The following ARB2A variants were observed in gnomAD, a reference collection of about 807,000 sequenced individuals.
The protein encoded by ARB2A is cotranscriptional regulator ARB2A.
chr5:93,963,608 G>T, the ARB2A span, among the ~76,000 whole-genome samples: 2 of 151,982 alleles, frequency 1.3e-5, no homozygotes, highest in East Asian at 1.9e-4. Flanking sequence ...TAATAAAATA[G>T]CACTATCCAA....
chr5:93,641,330 A>G, the ARB2A span, among the ~76,000 whole-genome samples: 95 of 152,318 alleles, frequency 6.2e-4, no homozygotes, highest in African/African-American at 2.2e-3. Context: ...AAGAATCTCA[A>G]ATATATCCCT....
At chr5:93,673,299 C>T in the ARB2A span, among the ~76,000 whole-genome samples, 1 of 152,008 alleles carries the variant, frequency 6.6e-6, no homozygotes, top group African/African-American at 2.4e-5. Context: ...TCTTTGTGTT[C>T]AGCATAAAAT....
At chr5:93,917,925 C>T in the ARB2A span, among the ~76,000 whole-genome samples, 1 of 152,090 alleles carries the variant, frequency 6.6e-6, no homozygotes, top group Non-Finnish European at 1.5e-5. Flanking sequence ...AATGTATTTC[C>T]TTGTCCCATT....
the ARB2A span, among the ~76,000 whole-genome samples, chr5:93,638,476 G>A: frequency 2.6e-3 from 391 of 152,196 alleles, no homozygotes; most frequent in Non-Finnish European, 4.4e-3. Context: ...ATTTGTTGGT[G>A]CTACTATAAA....
chr5:94,104,219 G>A, the ARB2A span, among the ~76,000 whole-genome samples: 2,682 of 151,508 alleles, frequency 0.018, 29 homozygotes, highest in Middle Eastern at 0.058. Context: ...CCAAAACGTC[G>A]TTCTCTGAAA....
At chr5:93,759,109 A>G in the ARB2A span, among the ~76,000 whole-genome samples, 4 of 152,168 alleles carry the variant, frequency 2.6e-5, no homozygotes, top group Admixed American at 1.3e-4. Flanking sequence ...ATTCAAGGCT[A>G]CTATGAACAC....
chr5:93,861,576 G>T, the ARB2A span: 1 of 151,978 alleles, frequency 6.6e-6, no homozygotes, highest in South Asian at 2.1e-4. Context: ...TTGATGAAAT[G>T]TTTAAGAATT....
At chr5:93,992,857 G>C in the ARB2A span, among the ~76,000 whole-genome samples, 1 of 151,938 alleles carries the variant, frequency 6.6e-6, no homozygotes, top group Non-Finnish European at 1.5e-5. Flanking sequence ...TTTTCTCAAA[G>C]TGTGAGTTAA....
chr5:93,972,638 GA>G, the ARB2A span, among the ~76,000 whole-genome samples: 1 of 152,266 alleles, frequency 6.6e-6, no homozygotes. Context: ...AGATAATTCA[GA>G]ATATGGGTGG....
the ARB2A span, among the ~76,000 whole-genome samples, chr5:93,679,835 G>A: frequency 6.6e-6 from 1 of 152,090 alleles, no homozygotes; most frequent in African/African-American, 2.4e-5. Context: ...TTAACTCAAA[G>A]ATACATAACT....
At chr5:93,840,748 T>C in the ARB2A span, among the ~76,000 whole-genome samples, 3 of 152,172 alleles carry the variant, frequency 2.0e-5, no homozygotes, top group South Asian at 2.1e-4. Flanking sequence ...ACTCTGAATA[T>C]AGCAATTTAC....
chr5:93,651,236 A>T, the ARB2A span, among the ~76,000 whole-genome samples: 2 of 152,052 alleles, frequency 1.3e-5, no homozygotes. Context: ...CCTGGGCTCA[A>T]GCAACCCTCC....
chr5:93,947,080 T>A, the ARB2A span, among the ~76,000 whole-genome samples: 1 of 152,182 alleles, frequency 6.6e-6, no homozygotes, highest in East Asian at 1.9e-4. Context: ...TCTCTTTTGA[T>A]AGTTTAATGA....
At chr5:94,107,653 T>C in the ARB2A span, among the ~76,000 whole-genome samples, 26 of 152,302 alleles carry the variant, frequency 1.7e-4, no homozygotes, top group African/African-American at 4.8e-4. Flanking sequence ...GTTTTGGACA[T>C]TGTTAAATTA....
the ARB2A span, among the ~76,000 whole-genome samples, chr5:93,677,954 C>T: frequency 6.6e-6 from 1 of 152,168 alleles, no homozygotes; most frequent in Admixed American, 6.5e-5. Context: ...AACAGAACAA[C>T]TGAGTGGATA....
chr5:93,713,291 C>T, the ARB2A span, among the ~76,000 whole-genome samples: 1 of 152,018 alleles, frequency 6.6e-6, no homozygotes, highest in African/African-American at 2.4e-5. Flanking sequence ...AAAATATCTG[C>T]AAACTGCCCA....
At chr5:93,788,390 C>T in the ARB2A span, among the ~76,000 whole-genome samples, 2 of 152,116 alleles carry the variant, frequency 1.3e-5, no homozygotes, top group African/African-American at 4.8e-5. Flanking sequence ...TGCTCCCTTC[C>T]GTGTGCAGTG....
chr5:93,778,053 T>C, the ARB2A span, among the ~76,000 whole-genome samples: 1 of 152,206 alleles, frequency 6.6e-6, no homozygotes, highest in Non-Finnish European at 1.5e-5. Context: ...ACATAACATC[T>C]AGTAATGTTC....
chr5:93,639,592 G>A, the ARB2A span, among the ~76,000 whole-genome samples: 7 of 151,978 alleles, frequency 4.6e-5, no homozygotes, highest in Admixed American at 1.3e-4. Context: ...ATATATTCAT[G>A]AATATGTTAT....
Sources: gnomAD v4.1 joint callset for allele counts (sites outside exome capture counted in the v4.1 genomes callset) on GRCh38, gnomAD v4.1.1 for gene constraint, MANE v1.5 for transcripts, NCBI Gene and HGNC (gene_info 2026-07-23, HGNC 2026-07-21) for gene names.